PCBP3: variants seen among roughly 807,000 people sequenced by gnomAD.
The protein encoded by PCBP3 is poly(rC) binding protein 3.
Under a neutral mutation model 52.7 loss-of-function variants are expected in PCBP3, and 25 were observed. The observed-to-expected ratio is 0.47, with a 90% CI of 0.35 to 0.66. The LOEUF is 0.66. PCBP3 is among the 30% of genes least tolerant of loss of function. The pLI, the probability that PCBP3 is intolerant of heterozygous loss-of-function variation, is 0.01. For synonymous variants in PCBP3, 162 were observed against 183.0 expected, an observed-to-expected ratio of 0.89 and a Z score of 0.93; for missense variants, 391 against 490.3, an observed-to-expected ratio of 0.80 and a Z score of 1.91.
intron 4 of PCBP3, among the ~76,000 whole-genome samples, chr21:45,797,941 TGAATGCATG>T (rs2092067959): frequency 2.7e-4 from 1 of 3,692 alleles, no homozygotes; most frequent in Admixed American, 3.3e-3. Context: ...CCTACATGGA[TGAATGCATG>T]GATCCATAGA....
At chr21:45,934,210 G>A (rs1194006818) in intron 15 of PCBP3, among the ~76,000 whole-genome samples, 8 of 152,156 alleles carry the variant, frequency 5.3e-5, no homozygotes, top group Non-Finnish European at 1.2e-4. Context: ...GGCCCAGGCT[G>A]AGCTGCAGAA....
At chr21:45,784,389 C>CCG (rs2090903339) in intron 4 of PCBP3, among the ~76,000 whole-genome samples, 1 of 115,020 alleles carries the variant, frequency 8.7e-6, no homozygotes, top group African/African-American at 3.0e-5. Context: ...TCTACCTCTA[C>CCG]CTCTACCGCT....
At chr21:45,921,972 G>A (rs911608756) in intron 13 of PCBP3, among the ~76,000 whole-genome samples, 2 of 152,212 alleles carry the variant, frequency 1.3e-5, no homozygotes, top group Non-Finnish European at 2.9e-5. Context: ...GCTCGACAGG[G>A]TGAAGGACTT....
chr21:45,868,730 G>T (rs1346401760), intron 5 of PCBP3, among the ~76,000 whole-genome samples: 4 of 152,206 alleles, frequency 2.6e-5, no homozygotes, highest in African/African-American at 9.7e-5. Flanking sequence ...GGAAACTGCA[G>T]CCCACAGCAC....
At chr21:45,846,957 A>G (rs1264386994) in intron 4 of PCBP3, among the ~76,000 whole-genome samples, 3 of 152,274 alleles carry the variant, frequency 2.0e-5, no homozygotes, top group Non-Finnish European at 4.4e-5. Context: ...TCACAGGGCC[A>G]AAACCATTTA....
At chr21:45,669,883 G>A (rs889287532) in intron 2 of PCBP3, among the ~76,000 whole-genome samples, 1 of 139,462 alleles carries the variant, frequency 7.2e-6, no homozygotes, top group African/African-American at 2.7e-5. Context: ...GGACACTTGG[G>A]TTGCATCTAC....
intron 3 of PCBP3, chr21:45,751,191 G>A (rs1374435762): frequency 3.3e-5 from 5 of 152,116 alleles, no homozygotes; most frequent in Non-Finnish European, 7.4e-5. Context: ...TTTGTTAAAC[G>A]TTTGCTGGCA....
chr21:45,871,947 C>T (rs1300480658), intron 5 of PCBP3: 1 of 152,356 alleles, frequency 6.6e-6, no homozygotes, highest in Non-Finnish European at 1.5e-5. Context: ...GGAGCAGAGG[C>T]CTCCGTCCCC....
intron 1 of PCBP3, among the ~76,000 whole-genome samples, chr21:45,663,864 T>C (rs575641545): frequency 6.6e-6 from 1 of 152,228 alleles, no homozygotes; most frequent in East Asian, 1.9e-4. Context: ...TTTGGTTCCA[T>C]ATGAATTGTA....
intron 6 of PCBP3, among the ~76,000 whole-genome samples, chr21:45,897,169 A>G (rs542023936): frequency 6.6e-6 from 1 of 152,322 alleles, no homozygotes; most frequent in South Asian, 2.1e-4. Context: ...TGCCAACCTG[A>G]TATCTTCTGC....
In PCBP3 at chr21:45,724,936, G is replaced by A. The variant is rs1198745436; in HGVS notation, c.-199-10456G>A. On this transcript the variant is annotated intron_variant, in intron 2 of 17. Coordinates refer to ENST00000681687, the MANE Select transcript of PCBP3 (RefSeq NM_001384156.1). This position sits in a 1 kb window ranked among gnomAD's most constrained non-coding sequence, Gnocchi z 5.3. The stretch of plus-strand genomic sequence containing the variant: ...GAACTTCCTCTATAACTTAAATGAT[G>A]AAAGTTACAGATAATAGCTCAAATA... Among the ~76,000 whole-genome samples the A allele has an allele frequency of 1.3e-5, 2 of 152,182 alleles. No homozygotes were observed. The highest frequency in any genetic ancestry group is 2.9e-5 in the Non-Finnish European group (2 of 68,030).
At chr21:45,646,105 C>G (rs58101596) in intron 1 of PCBP3, among the ~76,000 whole-genome samples, 2,975 of 92,454 alleles carry the variant, frequency 0.032, 51 homozygotes, top group East Asian at 0.09. Context: ...CTCTCTCTCT[C>G]TCTGTGTGTG....
chr21:45,838,267 G>A (rs572997455), intron 4 of PCBP3, among the ~76,000 whole-genome samples: 7 of 152,224 alleles, frequency 4.6e-5, no homozygotes, highest in South Asian at 4.1e-4. Context: ...GGCTCCCCTC[G>A]CTTTCTGATG....
At chr21:45,929,733 C>T (rs983999826) in intron 13 of PCBP3, among the ~76,000 whole-genome samples, 184 bp from the exon 14 acceptor site, 2 of 152,260 alleles carry the variant, frequency 1.3e-5, no homozygotes. Context: ...CATTGGCCTG[C>T]TCACAGCCTG....
rs1197986212 is a variant in PCBP3, at chr21:45,746,078, C to T, written c.-161-9339C>T. On this transcript the variant is annotated intron_variant, in intron 3 of 17. Coordinates refer to ENST00000681687, the MANE Select transcript of PCBP3 (RefSeq NM_001384156.1). ...TCGCCGTGTCAGTCCACTGACGTAG[C>T]GCACACGGTGTTGTCAGCATCGCTG... Among the ~76,000 whole-genome samples, 3 of 141,080 alleles carry T rather than the reference C, an allele frequency of 2.1e-5. 1 individual carries two copies. The highest frequency in any genetic ancestry group is 4.6e-5 in the Non-Finnish European group (3 of 65,368). The allele number at this position is 141,080 out of a possible 152,430, so 92.6% of individuals were successfully genotyped here.
intron 2 of PCBP3, among the ~76,000 whole-genome samples, chr21:45,680,624 TAATC>T (rs1419396806): frequency 6.6e-6 from 1 of 152,248 alleles, no homozygotes; most frequent in Non-Finnish European, 1.5e-5. Context: ...TTTTTTTAGA[TAATC>T]AAGTCACCTG....
chr21:45,851,719 A>T (rs1455033324), intron 5 of PCBP3, among the ~76,000 whole-genome samples: 1 of 152,240 alleles, frequency 6.6e-6, no homozygotes, highest in Non-Finnish European at 1.5e-5. Context: ...ACATTTGAAA[A>T]CATAGGTGAA....
At chr21:45,920,742 C>A (rs942330916) in intron 13 of PCBP3, among the ~76,000 whole-genome samples, 1 of 152,202 alleles carries the variant, frequency 6.6e-6, no homozygotes, top group South Asian at 2.1e-4. Flanking sequence ...TCCATCCCTC[C>A]TGTCATGTGA....
At chr21:45,868,433 A>ATGTTTTTTTTTTTTTTTCTGTC (rs2094847946) in intron 5 of PCBP3, among the ~76,000 whole-genome samples, 1 of 47,424 alleles carries the variant, frequency 2.1e-5, no homozygotes. Flanking sequence ...TTTTTTTTTT[A>ATGTTTTTTTTTTTTTTTCTGTC]AATAAAGGAT....
Sources: gnomAD v4.1 joint callset for allele counts (sites outside exome capture counted in the v4.1 genomes callset) on GRCh38, gnomAD v4.1.1 for gene constraint, Gnocchi (gnomAD v3.1) non-coding constraint, MANE v1.5 for transcripts, NCBI Gene and HGNC (gene_info 2026-07-23, HGNC 2026-07-21) for gene names.